Variants in VPS53 observed in about 807,000 individuals in gnomAD.
VPS53 encodes the protein vacuolar protein sorting-associated protein 53 homolog.
A neutral mutation model predicts 107.0 loss-of-function variants in VPS53; 70 were observed. The observed-to-expected ratio is 0.65, with a 90% CI of 0.54 to 0.80. The LOEUF (loss-of-function observed/expected upper bound fraction) is 0.80. Ranked by LOEUF, VPS53 falls within the 30% of genes least tolerant of loss-of-function variation. The probability of loss-of-function intolerance (pLI) is 0.00; values close to 1 mark genes in which losing one functional copy is unlikely to be tolerated. For missense variants in VPS53, 917 were observed against 1,049.4 expected (o/e 0.87, Z 1.74); for synonymous variants, 409 against 393.3 (o/e 1.04, Z -0.47).
intron 5 of VPS53, among the ~76,000 whole-genome samples, chr17:658,376 C>A (rs113979936): frequency 1.6e-5 from 2 of 123,838 alleles, no homozygotes; most frequent in East Asian, 2.4e-4. Context: ...GAAACTCGGC[C>A]GTGAGTTCGT....
chr17:632,788 T>C (rs1201769661), intron 7 of VPS53: 1 of 456,356 alleles, frequency 2.2e-6, no homozygotes, highest in South Asian at 1.5e-5. Flanking sequence ...TCTGGCTTAT[T>C]TCATTTCACA....
chr17:701,319 T>C (rs939455115), intron 2 of VPS53, among the ~76,000 whole-genome samples: 4 of 147,016 alleles, frequency 2.7e-5, no homozygotes, highest in African/African-American at 9.9e-5. Context: ...CAGCCCTGTC[T>C]CAAAAAAAAA....
At chr17:684,936 C>G (rs899762008) in intron 4 of VPS53, 1 of 151,846 alleles carries the variant, frequency 6.6e-6, no homozygotes, top group Non-Finnish European at 1.5e-5. Flanking sequence ...TGCCGTGGGC[C>G]GAGATCGCGC....
intron 19 of VPS53, among the ~76,000 whole-genome samples, chr17:526,518 C>T (rs921334049): frequency 6.6e-6 from 1 of 152,204 alleles, no homozygotes; most frequent in African/African-American, 2.4e-5. Flanking sequence ...ATGAGCCTGA[C>T]AGATTTGGCG....
chr17:656,386 G>C (rs1801130352), intron 5 of VPS53, among the ~76,000 whole-genome samples: 1 of 152,160 alleles, frequency 6.6e-6, no homozygotes, highest in Admixed American at 6.5e-5. Flanking sequence ...AATGGAATGA[G>C]GGCCTGAGCT....
At chr17:541,554 C>A (rs910745547) in intron 17 of VPS53, among the ~76,000 whole-genome samples, 1 of 152,110 alleles carries the variant, frequency 6.6e-6, no homozygotes, top group African/African-American at 2.4e-5. Context: ...CTACCACGCA[C>A]TGAAGGAATG....
intron 7 of VPS53, among the ~76,000 whole-genome samples, chr17:645,379 G>A (rs1357420526): frequency 2.0e-5 from 3 of 151,954 alleles, no homozygotes; most frequent in Non-Finnish European, 4.4e-5. Context: ...TTGATTTCTG[G>A]GAATTCTTTA....
intron 8 of VPS53, among the ~76,000 whole-genome samples, chr17:628,510 T>G (rs1969813650): frequency 6.6e-6 from 1 of 152,162 alleles, no homozygotes; most frequent in South Asian, 2.1e-4. Context: ...AATTTGACTT[T>G]CTGCAAACCA....
intron 2 of VPS53, among the ~76,000 whole-genome samples, chr17:708,794 C>T (rs1437796917): frequency 1.3e-5 from 2 of 152,108 alleles, no homozygotes; most frequent in African/African-American, 2.4e-5. Flanking sequence ...TTTCCTTGGT[C>T]GTAATAATGA....
chr17:697,218 G>A (rs910812466), intron 4 of VPS53, among the ~76,000 whole-genome samples, 200 bp downstream of exon 4: 1 of 152,202 alleles, frequency 6.6e-6, no homozygotes, highest in Non-Finnish European at 1.5e-5. Context: ...GGTGAGCGGT[G>A]CCACAGTTCA....
chr17:676,210 G>A (rs1972153359), intron 4 of VPS53: 1 of 152,112 alleles, frequency 6.6e-6, no homozygotes, highest in Non-Finnish European at 1.5e-5. Context: ...CAACCACAAC[G>A]CTGAATCTGT....
At chr17:525,896 C>CT (rs1189275235) in intron 19 of VPS53, among the ~76,000 whole-genome samples, 3 of 147,280 alleles carry the variant, frequency 2.0e-5, no homozygotes, top group African/African-American at 7.5e-5. Context: ...ACTCGGGAGG[C>CT]TGAGGCAGGA....
chr17:561,568 G>A (rs1402391477), intron 14 of VPS53, among the ~76,000 whole-genome samples: 2 of 152,096 alleles, frequency 1.3e-5, no homozygotes, highest in African/African-American at 4.8e-5. Flanking sequence ...TATCAAGAAC[G>A]GAAAAATATA....
chr17:560,419 G>A lies in VPS53; in HGVS notation c.1704+7C>T, dbSNP rs1226051226. The A allele has an allele frequency of 6.2e-7, 1 of 1,608,494 alleles. No individual in the cohort carries two copies. The highest frequency in any genetic ancestry group is 8.5e-7 in the Non-Finnish European group (1 of 1,177,636). ...GAGGTGGTGAGTGGGCAGCCAGGAT[G>A]GCTCACCTGCTGGGTGGTGGCCAGA... On this transcript the variant is annotated splice_region_variant and intron_variant, in intron 15 of 21. Coordinates refer to ENST00000437048, the MANE Select transcript of VPS53 (RefSeq NM_001128159.3).
intron 7 of VPS53, among the ~76,000 whole-genome samples, chr17:637,190 G>C (rs1425733187): frequency 2.6e-5 from 4 of 152,086 alleles, no homozygotes; most frequent in African/African-American, 9.7e-5. Flanking sequence ...TCTAGATTTT[G>C]TAGTTTATTT....
At chr17:619,329 G>A (rs1458452633) in intron 11 of VPS53, among the ~76,000 whole-genome samples, 403 of 92,760 alleles carry the variant, frequency 4.3e-3, no homozygotes, top group Middle Eastern at 0.025. Flanking sequence ...GCACCACCAC[G>A]CCCCGCTAAT....
chr17:665,653 AG>A (rs1971649450), intron 4 of VPS53, among the ~76,000 whole-genome samples: 1 of 152,210 alleles, frequency 6.6e-6, no homozygotes, highest in South Asian at 2.1e-4. Context: ...AGAAATGTAG[AG>A]AAAGTCTGGA....
chr17:679,638 A>G (rs1335572808), intron 4 of VPS53, among the ~76,000 whole-genome samples: 1 of 152,248 alleles, frequency 6.6e-6, no homozygotes, highest in East Asian at 1.9e-4. Flanking sequence ...AATCAACTCA[A>G]GAAGTGGAAG....
intron 4 of VPS53, among the ~76,000 whole-genome samples, chr17:693,547 AC>A (rs1427448328): frequency 7.2e-5 from 11 of 152,064 alleles, no homozygotes; most frequent in Admixed American, 6.6e-5. Flanking sequence ...CACAGCAAGA[AC>A]CCATCTCTAC....
Sources: gnomAD v4.1 joint callset for allele counts (sites outside exome capture counted in the v4.1 genomes callset) on GRCh38, gnomAD v4.1.1 for gene constraint, MANE v1.5 for transcripts, NCBI Gene and HGNC (gene_info 2026-07-23, HGNC 2026-07-21) for gene names.